The following ADAR variants were observed in gnomAD, a reference collection of about 807,000 sequenced individuals.
ADAR encodes adenosine deaminase RNA specific.
Under a neutral mutation model 113.2 loss-of-function variants are expected in ADAR, and 41 were observed. That is an observed-to-expected ratio of 0.36 (90% CI 0.28 to 0.47). The LOEUF (loss-of-function observed/expected upper bound fraction) is 0.47. ADAR is among the 20% of genes least tolerant of loss of function. ADAR has a pLI of 1.00. For missense variants in ADAR, 1,242 were observed against 1,540.9 expected, an observed-to-expected ratio of 0.81 and a Z score of 3.25; for synonymous variants, 605 against 572.6, an observed-to-expected ratio of 1.06 and a Z score of -0.81.
intron 1 of ADAR, among the ~76,000 whole-genome samples, chr1:154,602,957 T>C (rs1413100644): frequency 6.6e-6 from 1 of 152,224 alleles, no homozygotes. Context: ...AATTTTCTAG[T>C]TACCAAAACA....
At chr1:154,605,248 G>A (rs1471741232) in intron 1 of ADAR, among the ~76,000 whole-genome samples, 2 of 152,016 alleles carry the variant, frequency 1.3e-5, no homozygotes, top group Non-Finnish European at 2.9e-5. Context: ...GCCAATCCAG[G>A]TGGCACATCT....
At position 154,601,591 on chromosome 1, in the gene ADAR, G is replaced by C; in HGVS notation, c.1051C>G (p.Pro351Ala). ...TTCTTGTCTGTCAAATGCCATATGG[G>C]AGGGGTTGTCCCTTGTCTATAGACA... Reference protein sequence around the residue: ...GDVYRQGTTPPIWHLTDKKRE... With the variant: ...GDVYRQGTTPAIWHLTDKKRE... Residue 351 changes from proline to alanine, a missense_variant, in exon 2 of 15, where the codon CCC becomes GCC. Coordinates refer to ENST00000368474, the MANE Select transcript of ADAR (RefSeq NM_001111.5). The surrounding 1 kb of genome is among the most constrained non-coding windows in gnomAD (Gnocchi z 4.7). 6.2e-7 allele frequency: 1 copy of C among 1,612,550 alleles called. No individual in the cohort carries two copies. The highest frequency in any genetic ancestry group is 8.5e-7 in the Non-Finnish European group (1 of 1,180,010).
intron 1 of ADAR, among the ~76,000 whole-genome samples, chr1:154,613,904 C>CAA (rs1553216901): frequency 0.012 from 1,533 of 124,200 alleles, 29 homozygotes; most frequent in African/African-American, 0.047. Flanking sequence ...AACTCCATCT[C>CAA]AAAAAAAAAA....
chr1:154,588,051 C>G, intron 11 of ADAR, 74 bp downstream of exon 11: 1 of 1,601,840 alleles, frequency 6.2e-7, no homozygotes, highest in African/African-American at 1.3e-5. Context: ...ATCCTAGCAG[C>G]CTTGTAGAGA....
upstream of ADAR, chr1:154,608,355 T>C: frequency 2.8e-6 from 1 of 353,710 alleles, no homozygotes; most frequent in South Asian, 4.0e-5. Flanking sequence ...TGAGGCGGAG[T>C]CTCGCTCTTT....
chr1:154,586,974 C>T (rs1205885881), intron 11 of ADAR, among the ~76,000 whole-genome samples: 2 of 152,088 alleles, frequency 1.3e-5, no homozygotes, highest in Non-Finnish European at 2.9e-5. Flanking sequence ...AAAAAAAATG[C>T]TTTACTGAGA....
intron 13 of ADAR, 65 bp from the exon 14 acceptor site, chr1:154,585,409 G>C: frequency 6.2e-7 from 1 of 1,607,724 alleles, no homozygotes; most frequent in Non-Finnish European, 8.5e-7. Context: ...CTGAAGCAGG[G>C]ACTCAAGACT....
intron 8 of ADAR, 128 bp downstream of exon 8, chr1:154,589,629 A>C: frequency 7.7e-7 from 1 of 1,295,794 alleles, no homozygotes; most frequent in Non-Finnish European, 1.1e-6. Context: ...CCTCACTCTG[A>C]ATTGACTGTA....
At chr1:154,589,527 C>T (rs1318201346) in intron 8 of ADAR, 65 bp from the exon 9 acceptor site, 4 of 1,444,800 alleles carry the variant, frequency 2.8e-6, no homozygotes, top group African/African-American at 1.4e-5. Flanking sequence ...AGGATGAAGG[C>T]TATTTGTTCT....
chr1:154,584,250 C>A lies in ADAR; in HGVS notation c.*556G>T, dbSNP rs1289694590. The A allele has an allele frequency of 6.5e-6, 1 of 153,760 alleles. No homozygotes were observed. Among genetic ancestry groups the A allele is most frequent in the Non-Finnish European group, 1.4e-5 (1 of 69,222 alleles). 9.5% of individuals were successfully genotyped at this position (153,760 alleles called of 1,614,324 possible). A position where few individuals can be genotyped will look rare whatever the true frequency, so the allele number is the denominator to read the frequency against. On this transcript the variant is annotated 3_prime_UTR_variant, in exon 15 of 15. Transcript: ENST00000368474. Reference sequence around the variant, plus strand: ...TGGGAACTGCAGTTTTCAACTCCTACCCTTACAAATGTTTCACCAAATCCT... The same window carrying A: ...TGGGAACTGCAGTTTTCAACTCCTAACCTTACAAATGTTTCACCAAATCCT...
At chr1:154,607,743 A>G (rs1048738540) in intron 1 of ADAR, among the ~76,000 whole-genome samples, 1 of 135,588 alleles carries the variant, frequency 7.4e-6, no homozygotes, top group South Asian at 2.3e-4. Context: ...GCACACACAC[A>G]CACACACACT....
chr1:154,623,130 A>G lies in ADAR; in HGVS notation c.-871+4725T>C, dbSNP rs551656200. On this transcript the variant is annotated intron_variant, in intron 1 of 14. Transcript: ENST00000368471. ...ATGACCAATAAACAGATAATTATCA[A>G]ACAGAAATAACATCTACAAGGGGGT... Among the ~76,000 whole-genome samples, 54 of 152,320 alleles carry G rather than the reference A, an allele frequency of 3.5e-4. 1 individual carries two copies. The highest frequency in any genetic ancestry group is 1.3e-3 in the African/African-American group (52 of 41,574).
upstream of ADAR, among the ~76,000 whole-genome samples, chr1:154,611,633 T>G (rs1368535752): frequency 6.6e-6 from 1 of 152,232 alleles, no homozygotes; most frequent in Non-Finnish European, 1.5e-5. Flanking sequence ...TCGAGCATTT[T>G]CCCTGTGCGT....
intron 3 of ADAR, 79 bp from the exon 4 acceptor site, chr1:154,598,055 G>A: frequency 1.3e-6 from 2 of 1,504,514 alleles, no homozygotes; most frequent in Non-Finnish European, 1.8e-6. Context: ...GGATGGGGAT[G>A]GGGGACTTTA....
At chr1:154,586,860 C>A (rs750624589) in intron 11 of ADAR, among the ~76,000 whole-genome samples, 13 of 151,842 alleles carry the variant, frequency 8.6e-5, no homozygotes, top group Non-Finnish European at 1.6e-4. Context: ...AGAGCATATG[C>A]GAGGGATGGG....
intron 11 of ADAR, 136 bp downstream of exon 11, chr1:154,587,989 G>T: frequency 7.4e-7 from 1 of 1,359,716 alleles, no homozygotes; most frequent in Non-Finnish European, 1.0e-6. Flanking sequence ...CCCTGACCCA[G>T]GTCTTCCCTT....
rs1248262269 is a variant in ADAR at position 154,601,616 on chromosome 1, A to G, written c.1026T>C (p.Asp342=). ...AVLIDMERQG[D]VYRQGTTPPI... Reference sequence around the variant, plus strand: ...GAGGGGTTGTCCCTTGTCTATAGACATCCCCCTGCCTTTCCATGTCAATTA... The same window carrying G: ...GAGGGGTTGTCCCTTGTCTATAGACGTCCCCCTGCCTTTCCATGTCAATTA... Residue 342 remains aspartate (D), a synonymous_variant, in exon 2 of 15, where the codon GAT becomes GAC. Transcript: ENST00000368474. The surrounding 1 kb of genome is among the most constrained non-coding windows in gnomAD (Gnocchi z 4.7). 2 of 1,613,292 alleles carry G rather than the reference A, an allele frequency of 1.2e-6. No homozygotes were observed. Among genetic ancestry groups the G allele is most frequent in the Non-Finnish European group, 1.7e-6 (2 of 1,180,010 alleles).
At position 154,616,260 on chromosome 1, in the gene ADAR, C is replaced by G. The variant is rs190947783; in HGVS notation, c.-871+11595G>C. 1.2e-4 allele frequency among the ~76,000 whole-genome samples: 19 copies of G among 152,302 alleles called. No individual in the cohort carries two copies. In the East Asian group the frequency reaches 3.1e-3, roughly 25 times the overall value. On this transcript the variant is annotated intron_variant, in intron 1 of 14. Transcript: ENST00000368471. Reference sequence around the variant, plus strand: ...ATATTTACATTATTAACAAAAAATACTTTGATGGCTTCCTAATGCTCTTAA... The same window carrying G: ...ATATTTACATTATTAACAAAAAATAGTTTGATGGCTTCCTAATGCTCTTAA...
At chr1:154,615,570 T>C (rs1423371201) in intron 1 of ADAR, among the ~76,000 whole-genome samples, 2 of 152,052 alleles carry the variant, frequency 1.3e-5, no homozygotes, top group Admixed American at 1.3e-4. Context: ...CCACCATGCT[T>C]GGCTAATTAA....
Sources: allele counts gnomAD v4.1 joint callset (sites outside exome capture counted in the v4.1 genomes callset), GRCh38; gene constraint gnomAD v4.1.1; non-coding constraint Gnocchi (gnomAD v3.1); transcripts MANE v1.5; gene names NCBI Gene and HGNC (gene_info 2026-07-23, HGNC 2026-07-21).